The following TRMT11 variants were observed in gnomAD, a reference collection of about 807,000 sequenced individuals.
TRMT11 encodes tRNA (guanine(10)-N(2))-methyltransferase TRMT11.
Under a neutral mutation model 62.8 loss-of-function variants are expected in TRMT11, and 53 were observed. The ratio of observed to expected loss-of-function variants is 0.84; its 90% CI spans 0.68 to 1.06. The LOEUF is 1.06. Ranked by LOEUF, TRMT11 falls within the 50% of genes least tolerant of loss-of-function variation. The pLI, the probability that TRMT11 is intolerant of heterozygous loss-of-function variation, is 0.00. For missense variants in TRMT11, 556 were observed against 553.4 expected, an observed-to-expected ratio of 1.00 and a Z score of -0.05; for synonymous variants, 188 against 190.3, an observed-to-expected ratio of 0.99 and a Z score of 0.10.
rs1047124841 is a variant in TRMT11 at position 126,067,845 on chromosome 6, C to T, written c.*1437+14655C>T. On this transcript the variant is annotated intron_variant and NMD_transcript_variant, in intron 17 of 22. Coordinates refer to the TRMT11 transcript ENST00000648977. ...TTTAATTGCTCCACATTCTAACTGA[C>T]GCAATCTTTAAATTTTATTCATTTG... is the stretch of plus-strand genomic sequence containing the variant. Among the ~76,000 whole-genome samples the T allele has an allele frequency of 4.6e-5, 7 of 152,260 alleles. No homozygotes were observed. The South Asian group carries it at 6.2e-4, about 14-fold the overall frequency.
At chr6:126,186,034 A>G (rs1367916835) in intron 1 of TRMT11, among the ~76,000 whole-genome samples, 1 of 152,178 alleles carries the variant, frequency 6.6e-6, no homozygotes, top group East Asian at 1.9e-4. Context: ...CAACCAAACC[A>G]TATCACCCTC....
intron 17 of TRMT11, among the ~76,000 whole-genome samples, chr6:126,077,948 C>T (rs1777066762): frequency 6.6e-6 from 1 of 152,122 alleles, no homozygotes; most frequent in Non-Finnish European, 1.5e-5. Context: ...GTGTACCTAT[C>T]CCCCTGCTGA....
At chr6:126,244,256 TTATAA>T in the TRMT11 span, among the ~76,000 whole-genome samples, 10 of 152,168 alleles carry the variant, frequency 6.6e-5, no homozygotes, top group African/African-American at 2.4e-4. Flanking sequence ...TAGTATTTTT[TTATAA>T]TATAAGCTTA....
intron 16 of TRMT11, among the ~76,000 whole-genome samples, chr6:126,052,052 C>G (rs1329250900): frequency 6.6e-6 from 1 of 152,114 alleles, no homozygotes; most frequent in Non-Finnish European, 1.5e-5. Flanking sequence ...CTGGATCAGG[C>G]CATTCCAAGT....
At chr6:125,990,253 G>C (rs1790381452) in intron 1 of TRMT11, among the ~76,000 whole-genome samples, 1 of 152,126 alleles carries the variant, frequency 6.6e-6, no homozygotes, top group Non-Finnish European at 1.5e-5. Context: ...TAATTTGAGG[G>C]CTGGGATGAT....
intron 21 of TRMT11, among the ~76,000 whole-genome samples, chr6:126,124,954 G>C (rs1777698277): frequency 6.6e-6 from 1 of 152,064 alleles, no homozygotes; most frequent in Non-Finnish European, 1.5e-5. Flanking sequence ...CTTTTGCCCA[G>C]ACTGGGGAGA....
chr6:126,058,547 G>A (rs538797496), intron 17 of TRMT11, among the ~76,000 whole-genome samples: 2 of 152,242 alleles, frequency 1.3e-5, no homozygotes, highest in Admixed American at 6.5e-5. Context: ...TTCCACGATG[G>A]TTGAACTAAT....
At chr6:126,128,864 G>A (rs538875032) in intron 21 of TRMT11, among the ~76,000 whole-genome samples, 3 of 151,438 alleles carry the variant, frequency 2.0e-5, no homozygotes, top group South Asian at 2.1e-4. Context: ...CTCTGAACAC[G>A]TAGGAGCACA....
intron 1 of TRMT11, among the ~76,000 whole-genome samples, chr6:126,188,086 G>A (rs957766980): frequency 2.0e-5 from 3 of 151,554 alleles, no homozygotes; most frequent in African/African-American, 4.9e-5. Context: ...ACAAAAGCAC[G>A]AATTTTAAAA....
At chr6:126,159,891 A>G (rs1210308120) in intron 21 of TRMT11, among the ~76,000 whole-genome samples, 2 of 152,186 alleles carry the variant, frequency 1.3e-5, no homozygotes, top group Admixed American at 1.3e-4. Flanking sequence ...AAATAATAAC[A>G]TTGTACATAG....
At position 126,037,575 on chromosome 6, in the gene TRMT11, T is replaced by G. The variant is rs1172228396; in HGVS notation, c.1261-1130T>G. Among the ~76,000 whole-genome samples, 3 of 152,060 alleles carry G rather than the reference T, an allele frequency of 2.0e-5. No homozygotes were observed. The South Asian group carries it at 6.2e-4, about 31-fold the overall frequency. ...TCAGTAGCTACCTATTTCTCTTTGA[T>G]GAATCAGGAAATCTGGGCATGTTTA... On this transcript the variant is annotated intron_variant, in intron 12 of 12. Transcript: ENST00000334379.
intron 8 of TRMT11, 93 bp from the exon 9 acceptor site, chr6:126,011,160 G>T (rs549922433): frequency 9.4e-7 from 1 of 1,066,270 alleles, no homozygotes; most frequent in African/African-American, 1.6e-5. Flanking sequence ...ATAAATGTAG[G>T]TTTCAGTGAG....
At chr6:126,020,242 A>G (rs993134912) in intron 11 of TRMT11, among the ~76,000 whole-genome samples, 3 of 152,362 alleles carry the variant, frequency 2.0e-5, no homozygotes, top group Middle Eastern at 6.8e-3. Context: ...ATGTGTGCAG[A>G]CACCATCCAA....
At chr6:126,081,967 C>T (rs1777163504) in intron 17 of TRMT11, among the ~76,000 whole-genome samples, 1 of 152,130 alleles carries the variant, frequency 6.6e-6, no homozygotes, top group Non-Finnish European at 1.5e-5. Context: ...CTTTTCAAAA[C>T]AGTTTCTGGC....
At chr6:126,206,188 C>T (rs555428222), downstream of TRMT11, among the ~76,000 whole-genome samples, 4 of 152,194 alleles carry the variant, frequency 2.6e-5, no homozygotes, top group Non-Finnish European at 5.9e-5. Context: ...TTTATATTTA[C>T]ATTTAGTCCA....
chr6:126,079,570 T>A (rs1381463149), intron 17 of TRMT11, among the ~76,000 whole-genome samples: 2 of 152,166 alleles, frequency 1.3e-5, no homozygotes, highest in East Asian at 3.8e-4. Context: ...AGTTTAGTAG[T>A]ACCTTAGGAG....
At chr6:126,147,637 C>T (rs1006066731) in intron 21 of TRMT11, among the ~76,000 whole-genome samples, 1 of 152,080 alleles carries the variant, frequency 6.6e-6, no homozygotes, top group Non-Finnish European at 1.5e-5. Context: ...GGTACCTTAC[C>T]TCATGTCCTC....
chr6:126,081,439 C>T (rs879248156), intron 17 of TRMT11, among the ~76,000 whole-genome samples: 2 of 152,050 alleles, frequency 1.3e-5, no homozygotes, highest in African/African-American at 2.4e-5. Flanking sequence ...TTCTACATTA[C>T]GATATTGACT....
At chr6:126,182,234 AT>A (rs34392681) in intron 1 of TRMT11, among the ~76,000 whole-genome samples, 3 of 152,196 alleles carry the variant, frequency 2.0e-5, no homozygotes, top group African/African-American at 7.2e-5. Flanking sequence ...TGAGGGAAAG[AT>A]TTTGGGGAAG....
Sources: allele counts gnomAD v4.1 joint callset (sites outside exome capture counted in the v4.1 genomes callset), GRCh38; gene constraint gnomAD v4.1.1; transcripts MANE v1.5; gene names NCBI Gene and HGNC (gene_info 2026-07-23, HGNC 2026-07-21).